The following TTLL3 variants were observed in gnomAD, a reference collection of about 807,000 sequenced individuals.
The protein encoded by TTLL3 is tubulin tyrosine ligase like 3.
A neutral mutation model predicts 75.2 loss-of-function variants in TTLL3; 63 were observed. The ratio of observed to expected loss-of-function variants is 0.84; its 90% CI spans 0.68 to 1.03. The LOEUF (loss-of-function observed/expected upper bound fraction) is 1.03. Among genes scored for constraint, TTLL3 ranks in the 50% least tolerant of loss-of-function variants. TTLL3 has a pLI of 0.00. For synonymous variants in TTLL3, 393 were observed against 418.5 expected (o/e 0.94, Z 0.74); for missense variants, 997 against 1,069.9 (o/e 0.93, Z 0.95).
rs758411201 is a variant in TTLL3, at chr3:9,820,549, ACAAG to A, written c.665_668del (p.Lys222SerfsTer92). 5 of 1,613,792 alleles carry A rather than the reference ACAAG, an allele frequency of 3.1e-6. No homozygotes were observed. In the South Asian group the frequency reaches 5.5e-5, roughly 18 times the overall value. On this transcript the variant is annotated frameshift_variant, in exon 8 of 14. Coordinates refer to ENST00000685419, the MANE Select transcript of TTLL3 (RefSeq NM_001387446.1). LOFTEE classifies it high-confidence loss of function. ...ACAGGCCCCTCCCTATGTGCAGGAG[ACAAG>A]CAGCCCAAGAAACAGGAGAAAAACC... is the stretch of plus-strand genomic sequence containing the variant.
Position 9,833,223 on chromosome 3 carries a change from G to A in TTLL3, c.1803G>A (p.Leu601=). Residue 601 remains leucine (L), a synonymous_variant, in exon 12 of 14, where the codon CTG becomes CTA. Transcript: ENST00000685419. ...GGGTCCGCCCAGCAGTCCCTCTGCT[G>A]ACCCAGCGAGGCTCTGGGGAAGGCA... ...RMGVRPAVPL[L]TQRGSGEARH... is the part of the protein sequence containing the mutation. The A allele has an allele frequency of 6.2e-7, 1 of 1,614,022 alleles. No individual in the cohort carries two copies. Among genetic ancestry groups the A allele is most frequent in the Non-Finnish European group, 8.5e-7 (1 of 1,179,970 alleles).
At position 9,810,627 on chromosome 3, in the gene TTLL3, C is replaced by T; in HGVS notation, c.-35C>T. ...ATTCCGCATCTTTCTGCAGGTTTCC[C>T]GGTCCTCTGGCGAGGATCCTCCAAG... On this transcript the variant is annotated 5_prime_UTR_variant, in exon 2 of 14. Coordinates refer to ENST00000685419, the MANE Select transcript of TTLL3 (RefSeq NM_001387446.1). This position sits in a 1 kb window ranked among gnomAD's most constrained non-coding sequence, Gnocchi z 4.4. 2.6e-6 allele frequency: 4 copies of T among 1,566,410 alleles called. No homozygotes were observed. The highest frequency in any genetic ancestry group is 3.5e-6 in the Non-Finnish European group (4 of 1,154,942).
At chr3:9,825,405 A>G in intron 8 of TTLL3, 2 of 281,208 alleles carry the variant, frequency 7.1e-6, no homozygotes, top group Non-Finnish European at 1.4e-5. Context: ...CAGGGCCTTG[A>G]GGGCATTCGT....
chr3:9,826,965 T>G (rs2081103693), intron 9 of TTLL3, 32 bp from the exon 10 acceptor site: 1 of 1,613,410 alleles, frequency 6.2e-7, no homozygotes, highest in African/African-American at 1.3e-5. Context: ...ACGCCTGACC[T>G]TCCAATCCCT....
At chr3:9,809,994 C>T (rs549395588), upstream of TTLL3, 156 of 1,294,440 alleles carry the variant, frequency 1.2e-4, no homozygotes, top group East Asian at 3.0e-3. Context: ...AGGGCGAGCG[C>T]GGCGAGGGGC....
rs759203515 is a variant in TTLL3 at position 9,829,085 on chromosome 3, G to A, written c.1373G>A (p.Gly458Asp). The A allele has an allele frequency of 6.2e-7, 1 of 1,614,224 alleles. No homozygotes were observed. Among genetic ancestry groups the A allele is most frequent in the South Asian group, 1.1e-5 (1 of 91,086 alleles). ...QRFQAHLQEM[G>D]APNAWSTIIV... ...TTCCAGGCCCACCTGCAGGAGATGG[G>A]TGCCCCAAATGCTTGGTCCACCATC... The change falls in exon 11 of 14, where the codon GGT (glycine) becomes GAT (aspartate). Residue 458 changes from glycine to aspartate, a missense_variant. By Grantham distance (94) the Gly-to-Asp change is moderately conservative (BLOSUM62 -1). Transcript: ENST00000685419.
At chr3:9,818,638 G>A in intron 6 of TTLL3, 184 bp from the exon 7 acceptor site, 1 of 1,431,146 alleles carries the variant, frequency 7.0e-7, no homozygotes, top group South Asian at 1.4e-5. Context: ...AAAGTGCTGG[G>A]ATTACAGGCG....
At chr3:9,810,026 C>T, upstream of TTLL3, 1 of 1,316,092 alleles carries the variant, frequency 7.6e-7, no homozygotes, top group Non-Finnish European at 9.6e-7. This position sits in a 1 kb window ranked among gnomAD's most constrained non-coding sequence, Gnocchi z 4.4. Flanking sequence ...CCCGACGCGC[C>T]ACTGCTCCTG....
chr3:9,812,985 C>T lies in TTLL3; in HGVS notation c.91C>T (p.Arg31Trp), dbSNP rs200324090. 20 of 1,539,618 alleles carry T rather than the reference C, an allele frequency of 1.3e-5. No individual in the cohort carries two copies. Among genetic ancestry groups the T allele is most frequent in the South Asian group, 6.3e-5 (5 of 79,674 alleles). Residue 31 changes from arginine to tryptophan, a missense_variant, in exon 3 of 14, where the codon CGG becomes TGG. Physicochemically the swap from Arg to Trp is moderately radical, Grantham distance 101 (BLOSUM62 -3). Transcript: ENST00000685419. ...FTIQGCYPVIRCLLRRRGWVE... is the reference protein window; with the variant it reads ...FTIQGCYPVIWCLLRRRGWVE... ...AATCCAAGGCTGCTACCCGGTGATCCGGTGTCTCTTGCGCCGGAGGGGCTG... is the reference window on the plus strand; with the variant it reads ...AATCCAAGGCTGCTACCCGGTGATCTGGTGTCTCTTGCGCCGGAGGGGCTG...
chr3:9,831,893 G>C (rs2124981728), intron 11 of TTLL3, among the ~76,000 whole-genome samples: 1 of 150,164 alleles, frequency 6.7e-6, no homozygotes, highest in South Asian at 2.1e-4. Context: ...CCGCCTCCCG[G>C]ATTCAAGTGA....
At chr3:9,812,273 T>C (rs2079425379) in intron 2 of TTLL3, among the ~76,000 whole-genome samples, 1 of 151,878 alleles carries the variant, frequency 6.6e-6, no homozygotes, top group Non-Finnish European at 1.5e-5. Context: ...TTCAGCACTT[T>C]GGGAGGCCAA....
chr3:9,812,912 A>G, intron 2 of TTLL3, 31 bp from the exon 3 acceptor site: 1 of 1,473,264 alleles, frequency 6.8e-7, no homozygotes, highest in South Asian at 1.5e-5. Flanking sequence ...TGCAATACTT[A>G]TTGAAGAAGT....
intron 8 of TTLL3, among the ~76,000 whole-genome samples, chr3:9,823,496 T>G (rs1211898037): frequency 1.3e-5 from 2 of 152,058 alleles, no homozygotes; most frequent in Non-Finnish European, 2.9e-5. Flanking sequence ...ACTGTTTTTT[T>G]TTTCTTTTTG....
In TTLL3 at chr3:9,813,957, T is replaced by C. The variant is rs79964064; in HGVS notation, c.315+612T>C. On this transcript the variant is annotated intron_variant, in intron 4 of 13. Transcript: ENST00000685419. ...TCAAATAAAAACCCCATAGTTCCCC[T>C]TCCCCGCTGCCCTTGGTAAGTGAAG... Among the ~76,000 whole-genome samples the C allele has an allele frequency of 5.9e-5, 9 of 152,080 alleles. No homozygotes were observed. The East Asian group carries it at 1.7e-3, about 29-fold the overall frequency.
chr3:9,823,155 G>A (rs1254692400), intron 8 of TTLL3, among the ~76,000 whole-genome samples: 2 of 151,796 alleles, frequency 1.3e-5, no homozygotes, highest in Admixed American at 6.6e-5. Flanking sequence ...AGGCCAAGGC[G>A]GGCAGATCAT....
At position 9,812,620 on chromosome 3, in the gene TTLL3, C is replaced by T. The variant is rs548710280; in HGVS notation, c.49-323C>T. On this transcript the variant is annotated intron_variant, in intron 2 of 13. Transcript: ENST00000685419. ...CCAGGAGGAAGAGGGTGCAGTGAGC[C>T]GAGATTGTGCCACTACACTTCAGCC... The T allele has an allele frequency of 1.3e-4, 23 of 176,450 alleles. No individual in the cohort carries two copies. The East Asian group carries it at 1.5e-3, about 11-fold the overall frequency. 10.9% of individuals were successfully genotyped at this position (176,450 alleles called of 1,614,324 possible).
At chr3:9,834,031 G>A (rs563452575) in intron 12 of TTLL3, 1 of 204,648 alleles carries the variant, frequency 4.9e-6, no homozygotes, top group Non-Finnish European at 9.9e-6. Flanking sequence ...AGAATCGCTT[G>A]AACCCAGGAA....
Position 9,813,360 on chromosome 3 carries a change from G to A in TTLL3, c.315+15G>A. 1 of 1,613,702 alleles carries A rather than the reference G, an allele frequency of 6.2e-7. No individual in the cohort carries two copies. Among genetic ancestry groups the A allele is most frequent in the Middle Eastern group, 1.7e-4 (1 of 5,798 alleles). ...ATGCTCTGATGGTGAGGGCCCTGGG[G>A]GCCAAGATGATACAGGGACTGCCTG... On this transcript the variant is annotated intron_variant, in intron 4 of 13. Transcript: ENST00000685419.
intron 5 of TTLL3, 126 bp from the exon 6 acceptor site, chr3:9,817,519 C>A: frequency 6.4e-7 from 1 of 1,553,894 alleles, no homozygotes; most frequent in East Asian, 2.3e-5. Flanking sequence ...TAGATGTGAG[C>A]AACTCAGACC....
Sources: allele counts gnomAD v4.1 joint callset (sites outside exome capture counted in the v4.1 genomes callset), GRCh38; gene constraint gnomAD v4.1.1; non-coding constraint Gnocchi (gnomAD v3.1); transcripts MANE v1.5; gene names NCBI Gene and HGNC (gene_info 2026-07-23, HGNC 2026-07-21).